SPHKAP: variants seen among roughly 807,000 people sequenced by gnomAD.
SPHKAP encodes the protein SPHK1 interactor, AKAP domain containing, also known as A-kinase anchor protein SPHKAP.
Under a neutral mutation model 137.5 loss-of-function variants are expected in SPHKAP, and 67 were observed. The ratio of observed to expected loss-of-function variants is 0.49; its 90% CI spans 0.40 to 0.60. The LOEUF is 0.60. SPHKAP is among the 20% of genes least tolerant of loss of function. The pLI is 0.00. For synonymous variants in SPHKAP, 813 were observed against 785.3 expected (o/e 1.04, Z -0.59); for missense variants, 2,097 against 2,069.3 (o/e 1.01, Z -0.26).
In SPHKAP at chr2:228,024,361, T is replaced by TTTAA. The variant is rs1553614222; in HGVS notation, c.441+1032_441+1033insTTAA. Among the ~76,000 whole-genome samples the TTTAA allele has an allele frequency of 1.9e-4, 28 of 145,172 alleles. 1 individual carries two copies. Among genetic ancestry groups the TTTAA allele is most frequent in the African/African-American group, 5.8e-4 (23 of 39,620 alleles). ...GAGGCAGTTTTTTTTTTTTTTTTTT[T>TTTAA]AAATCTGTGAATTCTAGAAAGAAAA... is the stretch of plus-strand genomic sequence containing the variant. On this transcript the variant is annotated intron_variant, in intron 5 of 11. Transcript: ENST00000392056.
chr2:228,122,015 T>A (rs1035584251), intron 2 of SPHKAP, among the ~76,000 whole-genome samples: 1 of 152,070 alleles, frequency 6.6e-6, no homozygotes, highest in African/African-American at 2.4e-5. Flanking sequence ...GAGGAGACCT[T>A]GAGGCCAGTG....
chr2:228,123,442 A>G (rs989380783), intron 2 of SPHKAP, among the ~76,000 whole-genome samples: 1 of 152,214 alleles, frequency 6.6e-6, no homozygotes, highest in Non-Finnish European at 1.5e-5. Context: ...TCTTCCTTCT[A>G]TAGAGATGTG....
intron 3 of SPHKAP, among the ~76,000 whole-genome samples, chr2:228,091,465 G>A (rs893933236): frequency 6.6e-6 from 1 of 152,118 alleles, no homozygotes; most frequent in African/African-American, 2.4e-5. Context: ...GGAATAGTCA[G>A]CAGAATAAAC....
At chr2:228,131,754 A>G (rs4353645) in intron 2 of SPHKAP, 331,277 of 976,816 alleles carry the variant, frequency 0.34, 57,191 homozygotes, top group East Asian at 0.5. Context: ...TTGGGTTGAG[A>G]TAGTATGGCA....
intron 2 of SPHKAP, among the ~76,000 whole-genome samples, chr2:228,117,606 C>T (rs908249380): frequency 2.6e-5 from 4 of 152,120 alleles, no homozygotes; most frequent in Non-Finnish European, 5.9e-5. Flanking sequence ...GACATCTTTA[C>T]TCCAGGTAAC....
intron 3 of SPHKAP, among the ~76,000 whole-genome samples, chr2:228,065,243 A>G (rs1184096660): frequency 6.6e-6 from 1 of 152,236 alleles, no homozygotes; most frequent in Non-Finnish European, 1.5e-5. Context: ...TCTCTGGCTC[A>G]GAAGTCTCAT....
At chr2:227,986,299 CTAAGT>C (rs1416791306) in intron 11 of SPHKAP, among the ~76,000 whole-genome samples, 2 of 152,104 alleles carry the variant, frequency 1.3e-5, no homozygotes, top group Non-Finnish European at 2.9e-5. Flanking sequence ...GACTATTATT[CTAAGT>C]TAAGTAACTC....
intron 1 of SPHKAP, among the ~76,000 whole-genome samples, chr2:228,135,976 A>G (rs1378286314): frequency 6.6e-6 from 1 of 152,218 alleles, no homozygotes; most frequent in Non-Finnish European, 1.5e-5. Context: ...TGACTTTACA[A>G]CATGGCCCAG....
At chr2:228,174,843 A>T (rs1700692425) in intron 1 of SPHKAP, among the ~76,000 whole-genome samples, 2 of 152,218 alleles carry the variant, frequency 1.3e-5, no homozygotes, top group African/African-American at 2.4e-5. Flanking sequence ...GATTAGTTAC[A>T]GCAGAGAGAT....
intron 3 of SPHKAP, among the ~76,000 whole-genome samples, chr2:228,059,051 C>A (rs1696546382): frequency 6.6e-6 from 1 of 152,184 alleles, no homozygotes; most frequent in Non-Finnish European, 1.5e-5. Context: ...CGGCATGTAA[C>A]TATTTTCATA....
At chr2:228,045,709 T>G (rs1332167979) in intron 3 of SPHKAP, among the ~76,000 whole-genome samples, 1 of 151,594 alleles carries the variant, frequency 6.6e-6, no homozygotes, top group African/African-American at 2.4e-5. Context: ...GTAACAAACC[T>G]GCACATTGTG....
intron 5 of SPHKAP, among the ~76,000 whole-genome samples, chr2:228,022,551 C>A (rs1395527024): frequency 6.6e-6 from 1 of 152,152 alleles, no homozygotes; most frequent in Non-Finnish European, 1.5e-5. Flanking sequence ...TTGATGATTA[C>A]ATTTCAAAGA....
At chr2:228,163,743 A>G (rs1190674667) in intron 1 of SPHKAP, among the ~76,000 whole-genome samples, 5 of 152,190 alleles carry the variant, frequency 3.3e-5, no homozygotes, top group Non-Finnish European at 7.3e-5. Flanking sequence ...ACGTATGACC[A>G]ACCTGTTGGG....
At chr2:227,985,212 C>T (rs1437810407) in intron 11 of SPHKAP, among the ~76,000 whole-genome samples, 1 of 152,132 alleles carries the variant, frequency 6.6e-6, no homozygotes, top group Non-Finnish European at 1.5e-5. Context: ...TAAGTCCAGG[C>T]TGATATCCCA....
chr2:228,062,900 T>G (rs890551394), intron 3 of SPHKAP, among the ~76,000 whole-genome samples: 8 of 152,170 alleles, frequency 5.3e-5, no homozygotes, highest in Admixed American at 5.2e-4. Context: ...TAGTTATGCA[T>G]TAGGGAATTA....
chr2:228,119,974 T>C (rs192318460), intron 2 of SPHKAP, among the ~76,000 whole-genome samples: 1 of 152,260 alleles, frequency 6.6e-6, no homozygotes, highest in Non-Finnish European at 1.5e-5. Flanking sequence ...CATTATACCA[T>C]TGACACCTAA....
At chr2:228,149,030 T>G (rs892685188) in intron 1 of SPHKAP, among the ~76,000 whole-genome samples, 3 of 152,196 alleles carry the variant, frequency 2.0e-5, no homozygotes, top group African/African-American at 7.2e-5. Flanking sequence ...ATATAATTGA[T>G]GCATTAAAGA....
intron 7 of SPHKAP, among the ~76,000 whole-genome samples, chr2:228,002,978 G>A (rs1693968198): frequency 2.0e-5 from 3 of 152,126 alleles, no homozygotes; most frequent in Non-Finnish European, 2.9e-5. Flanking sequence ...TAGCCTTGTA[G>A]TATAGTTTGA....
rs534913386 is a variant in SPHKAP at position 227,983,339 on chromosome 2, AT to A, written c.4960-1480del. On this transcript the variant is annotated intron_variant, in intron 11 of 11. Coordinates refer to ENST00000392056, the MANE Select transcript of SPHKAP (RefSeq NM_001142644.2). ...GCTTTATTGTACTCATTTGGCTTGTATTGGCTGAATCAAAATAAAGCAATTT... is the reference window on the plus strand; with the variant it reads ...GCTTTATTGTACTCATTTGGCTTGTATGGCTGAATCAAAATAAAGCAATTT... Among the ~76,000 whole-genome samples, 15 of 152,312 alleles carry A rather than the reference AT, an allele frequency of 9.8e-5. No homozygotes were observed. In the South Asian group the frequency reaches 2.9e-3, roughly 29 times the overall value.
Sources: allele counts gnomAD v4.1 joint callset (sites outside exome capture counted in the v4.1 genomes callset), GRCh38; gene constraint gnomAD v4.1.1; transcripts MANE v1.5; gene names NCBI Gene and HGNC (gene_info 2026-07-23, HGNC 2026-07-21).